Variants in CRB1 observed in about 807,000 individuals in gnomAD.
CRB1 encodes the protein crumbs cell polarity complex component 1.
CRB1 carries 83 observed loss-of-function variants against 120.0 expected under a neutral mutation model. The observed-to-expected ratio is 0.69, with a 90% confidence interval of 0.58 to 0.83. The LOEUF (loss-of-function observed/expected upper bound fraction) is 0.83, where lower values mean the gene tolerates loss of function less well. CRB1 is among the 40% of genes least tolerant of loss of function. The probability of loss-of-function intolerance (pLI) is 0.00; values close to 1 mark genes in which losing one functional copy is unlikely to be tolerated. For missense variants in CRB1, 1,699 were observed against 1,687.6 expected, an observed-to-expected ratio of 1.01 and a Z score of -0.12; for synonymous variants, 625 against 612.5, an observed-to-expected ratio of 1.02 and a Z score of -0.30.
chr1:197,342,021 C>T (rs1659494153), intron 2 of CRB1, among the ~76,000 whole-genome samples: 2 of 152,294 alleles, frequency 1.3e-5, no homozygotes, highest in South Asian at 4.1e-4. Flanking sequence ...GAAAAGCAAA[C>T]AGTCTGGTAT....
At chr1:197,307,066 A>C (rs1346553064) in intron 1 of CRB1, among the ~76,000 whole-genome samples, 1 of 152,186 alleles carries the variant, frequency 6.6e-6, no homozygotes, top group African/African-American at 2.4e-5. Flanking sequence ...TTTGAATATA[A>C]GTGGTACCTG....
Position 197,421,159 on chromosome 1 carries a change from G to T in CRB1, c.1331G>T (p.Gly444Val). The change falls in exon 6 of 12, where the codon GGC becomes GTC. Residue 444 changes from glycine (G) to valine (V), a missense_variant. Transcript: ENST00000367400. ...AGGGACTGTTCTGATATTCTCCTGGGCTGTACCCATCAGCAATGTCTAAAT... is the reference window on the plus strand; with the variant it reads ...AGGGACTGTTCTGATATTCTCCTGGTCTGTACCCATCAGCAATGTCTAAAT... ...GGRDCSDILL[G>V]CTHQQCLNNG... 6.2e-7 allele frequency: 1 copy of T among 1,614,124 alleles called. No homozygotes were observed. Among genetic ancestry groups the T allele is most frequent in the South Asian group, 1.1e-5 (1 of 91,080 alleles).
chr1:197,347,471 G>T lies in CRB1; in HGVS notation c.980G>T (p.Cys327Phe). The T allele has an allele frequency of 6.2e-7, 1 of 1,614,076 alleles. No homozygotes were observed. Among genetic ancestry groups the T allele is most frequent in the Middle Eastern group, 1.7e-4 (1 of 6,060 alleles). Reference sequence around the variant, plus strand: ...AGTGTTGACAATTACACTTGTCACTGCTGGCCTGGTGAGTGACAAAATACC... The same window carrying T: ...AGTGTTGACAATTACACTTGTCACTTCTGGCCTGGTGAGTGACAAAATACC... ...EDSVDNYTCHCWPGYTGAQCE... is the reference protein window; with the variant it reads ...EDSVDNYTCHFWPGYTGAQCE... The change falls in exon 4 of 12, where the codon TGC (cysteine) becomes TTC (phenylalanine). Residue 327 changes from cysteine (C) to phenylalanine (F), a missense_variant. Transcript: ENST00000367400.
At chr1:197,365,582 T>A (rs915773383) in intron 5 of CRB1, among the ~76,000 whole-genome samples, 2 of 150,858 alleles carry the variant, frequency 1.3e-5, no homozygotes, top group Admixed American at 1.3e-4. Flanking sequence ...TCTTTTTTTC[T>A]CCTTCTCCTT....
intron 4 of CRB1, among the ~76,000 whole-genome samples, chr1:197,356,072 T>C (rs1241239386): frequency 6.6e-6 from 1 of 152,248 alleles, no homozygotes; most frequent in East Asian, 1.9e-4. Flanking sequence ...TGGCAGTAGT[T>C]ATAAATTGTG....
chr1:197,464,218 G>T (rs571074838), intron 11 of CRB1, among the ~76,000 whole-genome samples: 46 of 152,168 alleles, frequency 3.0e-4, no homozygotes, highest in Non-Finnish European at 5.7e-4. Context: ...ATGTAAATGC[G>T]TCTCCTCACA....
chr1:197,435,592 T>G lies in CRB1; in HGVS notation c.3729T>G (p.Asn1243Lys), dbSNP rs770760444. The stretch of plus-strand genomic sequence containing the variant: ...GCTATTCTTGCCTCTGTTTTGGAAA[T>G]TTTACAGGAAAATTTTGCAGGTGAG... The part of the protein sequence containing the change: ...TNGYSCLCFG[N>K]FTGKFCRQSR... The change falls in exon 9 of 12, where the codon AAT becomes AAG. Residue 1243 changes from asparagine to lysine, a missense_variant. By Grantham distance (94) the Asn-to-Lys change is moderately conservative. Transcript: ENST00000367400. 3.1e-6 allele frequency: 5 copies of G among 1,612,688 alleles called. No homozygotes were observed. The highest frequency in any genetic ancestry group is 4.2e-6 in the Non-Finnish European group (5 of 1,179,348).
intron 1 of CRB1, among the ~76,000 whole-genome samples, chr1:197,288,679 G>A (rs1250790292): frequency 6.6e-6 from 1 of 151,878 alleles, no homozygotes; most frequent in East Asian, 1.9e-4. Context: ...AATCTACAAG[G>A]TATAAGACGA....
rs557432486 is a variant in CRB1 at position 197,344,906 on chromosome 1, T to C, written c.848+430T>C. Among the ~76,000 whole-genome samples the C allele has an allele frequency of 5.9e-5, 9 of 152,358 alleles. No individual in the cohort carries two copies. The South Asian group carries it at 1.9e-3, about 32-fold the overall frequency. ...TGTTGGAAAAGGCAGTGATATTTAATTACTTATATCTTGAATTAATTTCCA... is the reference window on the plus strand; with the variant it reads ...TGTTGGAAAAGGCAGTGATATTTAACTACTTATATCTTGAATTAATTTCCA... On this transcript the variant is annotated intron_variant, in intron 3 of 11. Transcript: ENST00000367400.
At chr1:197,312,605 C>T (rs1009865647) in intron 1 of CRB1, among the ~76,000 whole-genome samples, 2 of 151,866 alleles carry the variant, frequency 1.3e-5, no homozygotes, top group Middle Eastern at 3.4e-3. Context: ...CAAACAAACA[C>T]CCAAAAATAA....
At chr1:197,443,843 G>A (rs1427704553) in intron 11 of CRB1, 1 of 151,890 alleles carries the variant, frequency 6.6e-6, no homozygotes, top group Non-Finnish European at 1.5e-5. Context: ...GTTTCCACCA[G>A]TACGTTATCA....
intron 4 of CRB1, among the ~76,000 whole-genome samples, chr1:197,354,344 T>C (rs80008870): frequency 0.02 from 3,033 of 152,262 alleles, 85 homozygotes; most frequent in African/African-American, 0.065. Flanking sequence ...TATAATTGTG[T>C]CCGAAATTGG....
At chr1:197,289,152 A>G (rs1343198314) in intron 1 of CRB1, among the ~76,000 whole-genome samples, 1 of 151,774 alleles carries the variant, frequency 6.6e-6, no homozygotes, top group Non-Finnish European at 1.5e-5. Context: ...AAACAAAACA[A>G]AAAACAAATC....
chr1:197,354,609 T>C (rs908197842), intron 4 of CRB1, among the ~76,000 whole-genome samples: 1 of 152,108 alleles, frequency 6.6e-6, no homozygotes, highest in East Asian at 1.9e-4. Context: ...CCTGGAGGGT[T>C]CGTGGTCTTG....
intron 1 of CRB1, among the ~76,000 whole-genome samples, chr1:197,291,783 A>C (rs764190686): frequency 6.6e-6 from 1 of 151,868 alleles, no homozygotes; most frequent in Non-Finnish European, 1.5e-5. Flanking sequence ...ACATGTGTAC[A>C]TACAACATTG....
At chr1:197,288,222 A>C (rs780001554) in intron 1 of CRB1, among the ~76,000 whole-genome samples, 7 of 151,834 alleles carry the variant, frequency 4.6e-5, no homozygotes, top group Non-Finnish European at 8.8e-5. Context: ...CTGGGAAAGA[A>C]TAAAGCTGAA....
In CRB1 at chr1:197,446,943, G is replaced by A. The variant is rs570127782; in HGVS notation, c.4005+4651G>A. On this transcript the variant is annotated intron_variant, in intron 11 of 11. Coordinates refer to ENST00000367400, the MANE Select transcript of CRB1 (RefSeq NM_201253.3). ...GAGGCATATCAGGGTGTATATATTT[G>A]GGATATATATTATAGATCTATTGAG... Among the ~76,000 whole-genome samples, 5 of 152,158 alleles carry A rather than the reference G, an allele frequency of 3.3e-5. 1 individual carries two copies. The highest frequency in any genetic ancestry group is 1.2e-4 in the African/African-American group (5 of 41,492).
Position 197,427,893 on chromosome 1 carries a change from A to G in CRB1, c.2568A>G (p.Arg856=), listed in dbSNP as rs1217298785. The G allele has an allele frequency of 6.2e-7, 1 of 1,614,072 alleles. No individual in the cohort carries two copies. The change falls in exon 7 of 12, where the codon AGA becomes AGG. Residue 856 remains arginine (R), a synonymous_variant. Coordinates refer to ENST00000367400, the MANE Select transcript of CRB1 (RefSeq NM_201253.3). ...GFFKGCIQDV[R]LNNQNLEFFP... is the part of the protein sequence containing the mutation. ...TCAAAGGCTGTATCCAAGATGTAAGACTAAACAACCAAAATCTGGAATTCT... is the reference window on the plus strand; with the variant it reads ...TCAAAGGCTGTATCCAAGATGTAAGGCTAAACAACCAAAATCTGGAATTCT...
intron 5 of CRB1, among the ~76,000 whole-genome samples, chr1:197,367,907 G>A (rs1282075764): frequency 6.6e-6 from 1 of 152,178 alleles, no homozygotes; most frequent in African/African-American, 2.4e-5. Flanking sequence ...TAAACACCCC[G>A]ATGAGAGCCA....
Sources: gnomAD v4.1 joint callset for allele counts (sites outside exome capture counted in the v4.1 genomes callset) on GRCh38, gnomAD v4.1.1 for gene constraint, MANE v1.5 for transcripts, NCBI Gene and HGNC (gene_info 2026-07-23, HGNC 2026-07-21) for gene names.